KLF12: variants seen among roughly 807,000 people sequenced by gnomAD.
KLF12 encodes KLF transcription factor 12, also known as Krueppel-like factor 12.
Under a neutral mutation model 37.8 loss-of-function variants are expected in KLF12, and 9 were observed. The observed-to-expected ratio is 0.24, with a 90% CI of 0.14 to 0.42. The LOEUF is 0.42. KLF12 is among the 10% of genes least tolerant of loss of function. The pLI is 1.00. For missense variants in KLF12, 411 were observed against 516.0 expected (o/e 0.80, Z 1.97); for synonymous variants, 208 against 202.1 (o/e 1.03, Z -0.25).
chr13:73,725,063 T>C (rs1876559307), intron 6 of KLF12, among the ~76,000 whole-genome samples: 1 of 152,232 alleles, frequency 6.6e-6, no homozygotes, highest in Non-Finnish European at 1.5e-5. Flanking sequence ...TTATAAGATT[T>C]GAAACACAAA....
the KLF12 span, among the ~76,000 whole-genome samples, chr13:74,278,122 A>G: frequency 6.6e-6 from 1 of 151,966 alleles, no homozygotes; most frequent in African/African-American, 2.4e-5. Context: ...GTTCTTTGAG[A>G]CGTCCACCAC....
chr13:73,974,692 G>C (rs1031283639), intron 2 of KLF12, among the ~76,000 whole-genome samples: 2 of 152,150 alleles, frequency 1.3e-5, no homozygotes, highest in African/African-American at 4.8e-5. Flanking sequence ...TTGGAACTTA[G>C]AGTAGAAAAG....
At chr13:73,998,896 T>G (rs542810164) in intron 1 of KLF12, among the ~76,000 whole-genome samples, 3 of 152,352 alleles carry the variant, frequency 2.0e-5, no homozygotes, top group South Asian at 4.1e-4. Context: ...AAATGAAAAG[T>G]AGCTAAAGAC....
At chr13:73,855,807 T>A (rs1237367612) in intron 3 of KLF12, among the ~76,000 whole-genome samples, 2 of 148,330 alleles carry the variant, frequency 1.3e-5, no homozygotes, top group Non-Finnish European at 3.0e-5. Context: ...ACATGGCATC[T>A]CATTGTGATA....
In KLF12 at chr13:73,774,910, C is replaced by T. The variant is rs555431737; in HGVS notation, c.807-9910G>A. ...GTGTGCATATATATGTACCTTCTCT[C>T]GCATTCTTTTTTTTTTTTTTTTTTT... On this transcript the variant is annotated intron_variant, in intron 5 of 7. Transcript: ENST00000377669. 2.9e-3 allele frequency among the ~76,000 whole-genome samples: 422 copies of T among 145,906 alleles called. 1 individual carries two copies. The highest frequency in any genetic ancestry group is 7.8e-3 in the South Asian group (36 of 4,616).
At chr13:73,900,373 A>G (rs1321705428) in intron 3 of KLF12, among the ~76,000 whole-genome samples, 1 of 152,210 alleles carries the variant, frequency 6.6e-6, no homozygotes, top group African/African-American at 2.4e-5. Context: ...CCTTTAAAAT[A>G]AATTTATTAA....
intron 3 of KLF12, among the ~76,000 whole-genome samples, chr13:73,919,363 C>A (rs1015462247): frequency 6.6e-6 from 1 of 152,130 alleles, no homozygotes; most frequent in African/African-American, 2.4e-5. Context: ...AGTAACTAAT[C>A]CAAAACAACT....
chr13:73,861,492 T>C (rs553743973), intron 3 of KLF12, among the ~76,000 whole-genome samples: 24 of 152,334 alleles, frequency 1.6e-4, no homozygotes, highest in African/African-American at 5.1e-4. Context: ...TAGTTATTAA[T>C]GGCAGGTAAT....
chr13:74,062,608 C>T (rs1357531621), intron 1 of KLF12, among the ~76,000 whole-genome samples: 1 of 152,132 alleles, frequency 6.6e-6, no homozygotes, highest in Non-Finnish European at 1.5e-5. Context: ...TTTTCTTCCA[C>T]TTTGGGGTTG....
chr13:73,924,709 T>C (rs1386052552), intron 3 of KLF12, among the ~76,000 whole-genome samples: 1 of 152,128 alleles, frequency 6.6e-6, no homozygotes, highest in African/African-American at 2.4e-5. Context: ...AATGACTAAG[T>C]TTGGTGAGAA....
chr13:74,168,513 C>T, the KLF12 span, among the ~76,000 whole-genome samples: 34,733 of 152,112 alleles, frequency 0.23, 5,682 homozygotes, highest in African/African-American at 0.47. Flanking sequence ...TGGTGATATT[C>T]GACACAGAGA....
rs556966572 is a variant in KLF12 at position 74,105,932 on chromosome 13, T to C, written c.-32+27807A>G. Among the ~76,000 whole-genome samples, 6 of 152,316 alleles carry C rather than the reference T, an allele frequency of 3.9e-5. No homozygotes were observed. The South Asian group carries it at 1.2e-3, about 32-fold the overall frequency. On this transcript the variant is annotated intron_variant, in intron 1 of 7. Coordinates refer to ENST00000377669, the MANE Select transcript of KLF12 (RefSeq NM_007249.5). Reference sequence around the variant, plus strand: ...CCACTGATATTCTTAGTGTCACCTCTTATTGTAATGAAATTAAGGTAGCAA... The same window carrying C: ...CCACTGATATTCTTAGTGTCACCTCCTATTGTAATGAAATTAAGGTAGCAA...
At chr13:73,810,705 A>C (rs1374017844) in intron 5 of KLF12, among the ~76,000 whole-genome samples, 1 of 152,126 alleles carries the variant, frequency 6.6e-6, no homozygotes, top group Non-Finnish European at 1.5e-5. Context: ...AAACAATGTG[A>C]TTAAAATGTC....
chr13:74,031,956 A>C (rs1042631725), intron 1 of KLF12, among the ~76,000 whole-genome samples: 1 of 152,130 alleles, frequency 6.6e-6, no homozygotes, highest in Non-Finnish European at 1.5e-5. Flanking sequence ...TCATTTGGGA[A>C]TTATTATAAG....
intron 4 of KLF12, among the ~76,000 whole-genome samples, chr13:73,833,189 T>C (rs1427544119): frequency 2.0e-5 from 3 of 152,210 alleles, no homozygotes; most frequent in Non-Finnish European, 4.4e-5. Context: ...TTAGTTATCC[T>C]AGTTTCACAG....
At chr13:74,176,591 C>T in the KLF12 span, among the ~76,000 whole-genome samples, 1 of 152,074 alleles carries the variant, frequency 6.6e-6, no homozygotes, top group Non-Finnish European at 1.5e-5. Flanking sequence ...ATCATGAGCT[C>T]CTGTTCTAGT....
the KLF12 span, among the ~76,000 whole-genome samples, chr13:74,179,126 T>C: frequency 4.6e-5 from 7 of 152,212 alleles, no homozygotes; most frequent in Non-Finnish European, 7.3e-5. Context: ...GCCTGGACCA[T>C]CAGACCTACT....
intron 1 of KLF12, among the ~76,000 whole-genome samples, chr13:74,113,171 A>G (rs79392144): frequency 0.03 from 4,545 of 152,310 alleles, 214 homozygotes; most frequent in African/African-American, 0.1. Flanking sequence ...AGCCATCTGC[A>G]TAACATAAAG....
At chr13:74,293,837 T>G in the KLF12 span, among the ~76,000 whole-genome samples, 1 of 152,226 alleles carries the variant, frequency 6.6e-6, no homozygotes, top group Non-Finnish European at 1.5e-5. Context: ...CTGAACATGG[T>G]AAACGTAATA....
Sources: gnomAD v4.1 joint callset for allele counts (sites outside exome capture counted in the v4.1 genomes callset) on GRCh38, gnomAD v4.1.1 for gene constraint, MANE v1.5 for transcripts, NCBI Gene and HGNC (gene_info 2026-07-23, HGNC 2026-07-21) for gene names.